Variants in SERTAD4 observed in about 807,000 individuals in gnomAD.
SERTAD4 encodes SERTA domain containing 4, also known as SERTA domain-containing protein 4.
In SERTAD4, 18 loss-of-function variants were observed where a neutral mutation model predicts 32.9. That is an observed-to-expected ratio of 0.55 (90% confidence interval 0.38 to 0.81). The LOEUF (loss-of-function observed/expected upper bound fraction) is 0.81. Among genes scored for constraint, SERTAD4 ranks in the 30% least tolerant of loss-of-function variants. The pLI is 0.00. For synonymous variants in SERTAD4, 150 were observed against 156.4 expected, an observed-to-expected ratio of 0.96 and a Z score of 0.30; for missense variants, 383 against 426.0, an observed-to-expected ratio of 0.90 and a Z score of 0.89.
Position 210,241,583 on chromosome 1 carries a change from C to T in SERTAD4, c.317C>T (p.Ala106Val), listed in dbSNP as rs2083995805. 6.4e-7 allele frequency: 1 copy of T among 1,572,916 alleles called. No homozygotes were observed. Among genetic ancestry groups the T allele is most frequent in the Non-Finnish European group, 8.6e-7 (1 of 1,161,438 alleles). Reference protein sequence around the residue: ...HKTISIFEERAHILYMSLEKL... With the variant: ...HKTISIFEERVHILYMSLEKL... ...ACCATCTCAATTTTTGAGGAACGAG[C>T]CCACATCCTTTATATGTCCTTAGAA... Residue 106 changes from alanine (A) to valine (V), a missense_variant, in exon 4 of 4, where the codon GCC (alanine) becomes GTC (valine). By Grantham distance (64) the Ala-to-Val change is moderately conservative. Around this residue, in one of 3 missense-constraint regions of SERTAD4, gnomAD observed 107 missense variants for 158.8 expected, o/e 0.67. Coordinates refer to ENST00000367012, the MANE Select transcript of SERTAD4 (RefSeq NM_019605.5).
At chr1:210,233,264 G>T (rs114537192) in intron 1 of SERTAD4, among the ~76,000 whole-genome samples, 2,021 of 152,170 alleles carry the variant, frequency 0.013, 55 homozygotes, top group African/African-American at 0.047. Context: ...CGTGCGCCGC[G>T]GCGCCTTCAC....
In SERTAD4 at chr1:210,246,166, G is replaced by A. The variant is rs1571554812; in HGVS notation, c.*3829G>A. On this transcript the variant is annotated 3_prime_UTR_variant, in exon 4 of 4. Transcript: ENST00000367012. ...TTTAAATAATAAAAGAAGAGACAATGTATGGTTTATAGTGATTCATTTTAA... is the reference window on the plus strand; with the variant it reads ...TTTAAATAATAAAAGAAGAGACAATATATGGTTTATAGTGATTCATTTTAA... The A allele has an allele frequency of 6.5e-6, 1 of 153,442 alleles. No homozygotes were observed. Among genetic ancestry groups the A allele is most frequent in the East Asian group, 1.9e-4 (1 of 5,202 alleles). The allele number at this position is 153,442 out of a possible 1,614,324, so 9.5% of individuals were successfully genotyped here.
rs1008784406 is a variant in SERTAD4, at chr1:210,244,696, G to T, written c.*2359G>T. The T allele has an allele frequency of 6.6e-6, 1 of 152,062 alleles. No homozygotes were observed. The highest frequency in any genetic ancestry group is 1.5e-5 in the Non-Finnish European group (1 of 68,010). 9.4% of individuals were successfully genotyped at this position (152,062 alleles called of 1,614,324 possible). A position where few individuals can be genotyped will look rare whatever the true frequency, so the allele number is the denominator to read the frequency against. ...TTAAAAGCCCCAGCATTACTAGATAGTGTTTTTCTTGAAGGCCAAAGCTGT... is the reference window on the plus strand; with the variant it reads ...TTAAAAGCCCCAGCATTACTAGATATTGTTTTTCTTGAAGGCCAAAGCTGT... On this transcript the variant is annotated 3_prime_UTR_variant, in exon 4 of 4. Coordinates refer to ENST00000367012, the MANE Select transcript of SERTAD4 (RefSeq NM_019605.5).
intron 1 of SERTAD4, chr1:210,233,496 A>T (rs189723847): frequency 2.8e-6 from 1 of 352,338 alleles, no homozygotes; most frequent in Non-Finnish European, 5.5e-6. Flanking sequence ...TGTGGATGTC[A>T]GGAGCGCGCG....
In SERTAD4 at chr1:210,243,239, A is replaced by G. The variant is rs959821904; in HGVS notation, c.*902A>G. On this transcript the variant is annotated 3_prime_UTR_variant, in exon 4 of 4. Transcript: ENST00000367012. The stretch of plus-strand genomic sequence containing the variant: ...TGCTTTTGGATTCGCCGTTTTTTCA[A>G]TAGGGATGGAGGAAATGAGAGAGAG... 2 of 628,572 alleles carry G rather than the reference A, an allele frequency of 3.2e-6. No individual in the cohort carries two copies. Among genetic ancestry groups the G allele is most frequent in the African/African-American group, 4.1e-5 (2 of 49,060 alleles). The allele number at this position is 628,572 out of a possible 1,614,324, so 38.9% of individuals were successfully genotyped here.
Position 210,246,155 on chromosome 1 carries a change from G to T in SERTAD4, c.*3818G>T, listed in dbSNP as rs1053175673. 4.5e-5 allele frequency: 7 copies of T among 154,120 alleles called. No individual in the cohort carries two copies. The highest frequency in any genetic ancestry group is 1.7e-4 in the African/African-American group (7 of 41,612). The allele number at this position is 154,120 out of a possible 1,614,324, so 9.5% of individuals were successfully genotyped here. A position where few individuals can be genotyped will look rare whatever the true frequency, so the allele number is the denominator to read the frequency against. ...TGATATCAGTATTTAAATAATAAAA[G>T]AAGAGACAATGTATGGTTTATAGTG... On this transcript the variant is annotated 3_prime_UTR_variant, in exon 4 of 4. Transcript: ENST00000367012.
intron 1 of SERTAD4, 81 bp from the exon 2 acceptor site, chr1:210,237,863 G>C: frequency 9.3e-7 from 1 of 1,071,368 alleles, no homozygotes; most frequent in Non-Finnish European, 1.4e-6. Flanking sequence ...GCAAAGAAAT[G>C]AAGATGCCAA....
In SERTAD4 at chr1:210,245,750, T is replaced by G; in HGVS notation, c.*3413T>G. On this transcript the variant is annotated 3_prime_UTR_variant, in exon 4 of 4. Coordinates refer to ENST00000367012, the MANE Select transcript of SERTAD4 (RefSeq NM_019605.5). ...AGACATGGCTACCCACCCCTCCAGT[T>G]ATGAACTTGTATTACAGCTCCACTT... 1 of 977,694 alleles carries G rather than the reference T, an allele frequency of 1.0e-6. No homozygotes were observed. The highest frequency in any genetic ancestry group is 1.2e-6 in the Non-Finnish European group (1 of 822,844). 60.6% of individuals were successfully genotyped at this position (977,694 alleles called of 1,614,324 possible).
chr1:210,233,298 C>T (rs2083897051), intron 1 of SERTAD4, among the ~76,000 whole-genome samples: 1 of 152,060 alleles, frequency 6.6e-6, no homozygotes, highest in African/African-American at 2.4e-5. Context: ...GCCGCCTCCT[C>T]TAGGGCTGCT....
rs1558258612 is a variant in SERTAD4 at position 210,242,302 on chromosome 1, A to T, written c.1036A>T (p.Asn346Tyr). The T allele has an allele frequency of 6.2e-7, 1 of 1,600,628 alleles. No individual in the cohort carries two copies. Among genetic ancestry groups the T allele is most frequent in the Non-Finnish European group, 8.5e-7 (1 of 1,174,964 alleles). Residue 346 changes from asparagine to tyrosine, a missense_variant, in exon 4 of 4, where the codon AAC becomes TAC. By Grantham distance (143) the Asn-to-Tyr change is moderately radical (BLOSUM62 -2). Around this residue, in one of 3 missense-constraint regions of SERTAD4, gnomAD observed 180 missense variants for 190.6 expected, o/e 0.94. Coordinates refer to ENST00000367012, the MANE Select transcript of SERTAD4 (RefSeq NM_019605.5). The surrounding 1 kb of genome is among the most constrained non-coding windows in gnomAD (Gnocchi z 4.0). ...LRKKEASPPS[N>Y]KLCCSKGSKI ...GAAAAAGGAGGCTTCACCACCAAGT[A>T]ACAAACTGTGCTGCAGCAAAGGAAG...
Position 210,244,292 on chromosome 1 carries a change from T to G in SERTAD4, c.*1955T>G, listed in dbSNP as rs1309506027. The stretch of plus-strand genomic sequence containing the variant: ...TGATCCTAGTTCGTAAGTTTAAGTT[T>G]CTATTGATTAAGAAGCACAATGTTA... On this transcript the variant is annotated 3_prime_UTR_variant, in exon 4 of 4. Transcript: ENST00000367012. The G allele has an allele frequency of 6.6e-6, 1 of 152,210 alleles. No homozygotes were observed. Among genetic ancestry groups the G allele is most frequent in the East Asian group, 1.9e-4 (1 of 5,206 alleles). The allele number at this position is 152,210 out of a possible 1,614,324, so 9.4% of individuals were successfully genotyped here.
At chr1:210,233,707 C>T (rs551277160) in intron 1 of SERTAD4, 48 of 471,048 alleles carry the variant, frequency 1.0e-4, no homozygotes, top group Middle Eastern at 3.3e-4. Flanking sequence ...TCCCCTCCCG[C>T]CTCTTCGGCC....
rs141730739 is a variant in SERTAD4, at chr1:210,238,093, G to A, written c.133G>A (p.Ala45Thr). Residue 45 changes from alanine to threonine, a missense_variant, in exon 2 of 4, where the codon GCT becomes ACT. This residue lies in a region of SERTAD4 where 96 missense variants were observed against 76.6 expected (regional missense o/e 1.25). Transcript: ENST00000367012. ...GGPSPPGPAQ[A>T]PLQGDRGAGP... is the part of the protein sequence containing the mutation. The stretch of plus-strand genomic sequence containing the variant: ...CCCAAGCCCCCCAGGGCCAGCACAA[G>A]CTCCTTTGCAGGGAGACCGGGGAGC... 6.1e-5 allele frequency: 98 copies of A among 1,613,026 alleles called. No individual in the cohort carries two copies. Among genetic ancestry groups the A allele is most frequent in the Admixed American group, 8.4e-5 (5 of 59,712 alleles).
At chr1:210,234,058 G>A in intron 1 of SERTAD4, 1 of 303,820 alleles carries the variant, frequency 3.3e-6, no homozygotes, top group South Asian at 2.7e-5. Context: ...AGAGGCACAC[G>A]GCTGCGGCAC....
chr1:210,237,260 G>C (rs1254233569), intron 1 of SERTAD4: 1 of 152,222 alleles, frequency 6.6e-6, no homozygotes, highest in Admixed American at 6.5e-5. Flanking sequence ...TCTTCATCTC[G>C]CAGTGTTTTG....
intron 2 of SERTAD4, among the ~76,000 whole-genome samples, chr1:210,238,992 T>C (rs1314620527): frequency 6.6e-6 from 1 of 152,132 alleles, no homozygotes; most frequent in Non-Finnish European, 1.5e-5. Context: ...AAATTTGAAT[T>C]TTGTATTTTG....
chr1:210,240,444 ACAG>A (rs1487025373), intron 3 of SERTAD4, among the ~76,000 whole-genome samples: 3 of 152,156 alleles, frequency 2.0e-5, no homozygotes, highest in African/African-American at 7.2e-5. Context: ...TCATGAAAAG[ACAG>A]CAGAATGCAT....
rs765003344 is a variant in SERTAD4, at chr1:210,241,736, A to G, written c.470A>G (p.Asn157Ser). ...TGGTGCTTCCCTGCCTGCTCTTTCA[A>G]TGGCACCTCTGCCCAAGAGTGGTTT... ...NNWCFPACSFNGTSAQEWFMA... is the reference protein window; with the variant it reads ...NNWCFPACSFSGTSAQEWFMA... The change falls in exon 4 of 4, where the codon AAT (asparagine) becomes AGT (serine). Residue 157 changes from asparagine to serine, a missense_variant. Around this residue, in one of 3 missense-constraint regions of SERTAD4, gnomAD observed 107 missense variants for 158.8 expected, o/e 0.67. Transcript: ENST00000367012. 8.1e-6 allele frequency: 13 copies of G among 1,614,068 alleles called. No homozygotes were observed. Among genetic ancestry groups the G allele is most frequent in the African/African-American group, 2.7e-5 (2 of 75,020 alleles).
At chr1:210,237,799 A>G in intron 1 of SERTAD4, 145 bp from the exon 2 acceptor site, 1 of 629,600 alleles carries the variant, frequency 1.6e-6, no homozygotes, top group Non-Finnish European at 2.8e-6. Context: ...CTTTGAAAAA[A>G]TAATAAAATG....
Sources: allele counts gnomAD v4.1 joint callset (sites outside exome capture counted in the v4.1 genomes callset), GRCh38; gene constraint gnomAD v4.1.1; regional missense constraint gnomAD v4.1.1; non-coding constraint Gnocchi (gnomAD v3.1); transcripts MANE v1.5; gene names NCBI Gene and HGNC (gene_info 2026-07-23, HGNC 2026-07-21).